Variants in NR3C2 observed in about 807,000 individuals in gnomAD.
NR3C2 encodes nuclear receptor subfamily 3 group C member 2, also known as mineralocorticoid receptor.
A neutral mutation model predicts 86.4 loss-of-function variants in NR3C2; 15 were observed. The ratio of observed to expected loss-of-function variants is 0.17; its 90% CI spans 0.12 to 0.27. The LOEUF (loss-of-function observed/expected upper bound fraction) is 0.27. Ranked by LOEUF, NR3C2 falls within the 10% of genes least tolerant of loss-of-function variation. NR3C2 has a pLI of 1.00. For synonymous variants in NR3C2, 458 were observed against 450.5 expected, an observed-to-expected ratio of 1.02 and a Z score of -0.21; for missense variants, 960 against 1,195.6, an observed-to-expected ratio of 0.80 and a Z score of 2.91.
At chr4:148,186,988 G>GTATA (rs1491106389) in intron 4 of NR3C2, among the ~76,000 whole-genome samples, 2 of 13,704 alleles carry the variant, frequency 1.5e-4, no homozygotes, top group Non-Finnish European at 2.1e-4. Flanking sequence ...ACTGATGTGT[G>GTATA]TATGTATGTA....
In NR3C2 at chr4:148,221,406, AT is replaced by A. The variant is rs1410198405; in HGVS notation, c.1898-26545del. ...AGAAAAGGACTCTTTAATTATCATA[AT>A]AATGTCATGAAATATTACAAATGAA... On this transcript the variant is annotated intron_variant, in intron 3 of 8. Transcript: ENST00000358102. 2.0e-5 allele frequency among the ~76,000 whole-genome samples: 3 copies of A among 152,236 alleles called. No homozygotes were observed. In the East Asian group the frequency reaches 5.8e-4, roughly 29 times the overall value.
Position 148,436,213 on chromosome 4 carries a change from G to T in NR3C2, c.648C>A (p.Thr216=). 4.3e-6 allele frequency: 7 copies of T among 1,614,190 alleles called. No individual in the cohort carries two copies. Among genetic ancestry groups the T allele is most frequent in the Non-Finnish European group, 5.9e-6 (7 of 1,180,028 alleles). ...CTGGAAAACTGCCAAAGCTGGCTGT[G>T]GTGGAGGACACAGAGTTGATTCCAG... ...SPAGINSVSS[T]TASFGSFPVH... The change falls in exon 2 of 9, where the codon ACC becomes ACA. Residue 216 remains threonine (T), a synonymous_variant. Transcript: ENST00000358102.
At chr4:148,209,369 T>G (rs1737170547) in intron 3 of NR3C2, among the ~76,000 whole-genome samples, 1 of 152,148 alleles carries the variant, frequency 6.6e-6, no homozygotes, top group Non-Finnish European at 1.5e-5. Flanking sequence ...AGCCTCAACC[T>G]TCTGGGCTCA....
At chr4:148,086,887 C>G (rs1730838835) in intron 8 of NR3C2, among the ~76,000 whole-genome samples, 1 of 152,322 alleles carries the variant, frequency 6.6e-6, no homozygotes, top group Non-Finnish European at 1.5e-5. Context: ...GATGCCCTCT[C>G]TCACTTCTAT....
intron 8 of NR3C2, among the ~76,000 whole-genome samples, chr4:148,106,006 TAGTACTGGA>T (rs1313302479): frequency 2.0e-5 from 3 of 152,144 alleles, no homozygotes; most frequent in Non-Finnish European, 4.4e-5. Context: ...CTATTCTACA[TAGTACTGGA>T]AGTTCTGGCA....
chr4:148,157,986 A>C (rs1050321210), intron 4 of NR3C2, among the ~76,000 whole-genome samples: 3 of 152,248 alleles, frequency 2.0e-5, no homozygotes, highest in Admixed American at 2.0e-4. Context: ...TACTGGCTTT[A>C]AGAAGTTTAA....
chr4:148,231,240 T>A (rs928641239), intron 3 of NR3C2, among the ~76,000 whole-genome samples: 1 of 152,222 alleles, frequency 6.6e-6, no homozygotes, highest in Non-Finnish European at 1.5e-5. Context: ...GATTAAAAAC[T>A]AATGATGATA....
intron 6 of NR3C2, among the ~76,000 whole-genome samples, chr4:148,128,212 C>G (rs1317546535): frequency 1.3e-5 from 2 of 152,188 alleles, no homozygotes. Context: ...CCCATGCTAT[C>G]TTACCATCAT....
chr4:148,157,690 T>A (rs1369836163), intron 4 of NR3C2, among the ~76,000 whole-genome samples: 1 of 152,144 alleles, frequency 6.6e-6, no homozygotes, highest in African/African-American at 2.4e-5. Context: ...ACGTTACAAA[T>A]GTAACATTTC....
At chr4:148,197,760 A>G (rs143794772) in intron 3 of NR3C2, among the ~76,000 whole-genome samples, 1 of 152,342 alleles carries the variant, frequency 6.6e-6, no homozygotes, top group East Asian at 1.9e-4. Context: ...TGTTGCAGAC[A>G]TGTCATTTTC....
intron 2 of NR3C2, among the ~76,000 whole-genome samples, chr4:148,308,960 G>A (rs1204375008): frequency 6.6e-6 from 1 of 152,072 alleles, no homozygotes; most frequent in Non-Finnish European, 1.5e-5. Context: ...TCCAGCCTGG[G>A]CAACAGAGTG....
chr4:148,272,658 T>C (rs1740746708), intron 2 of NR3C2, among the ~76,000 whole-genome samples: 2 of 152,238 alleles, frequency 1.3e-5, no homozygotes. Context: ...CTGTTAAGTA[T>C]ACCAAAATAA....
chr4:148,371,063 T>C (rs1746391945), intron 2 of NR3C2, among the ~76,000 whole-genome samples: 2 of 152,144 alleles, frequency 1.3e-5, no homozygotes, highest in South Asian at 4.1e-4. Flanking sequence ...TTTGTAGGTA[T>C]TTGGTAGGTA....
intron 2 of NR3C2, among the ~76,000 whole-genome samples, chr4:148,304,249 C>A (rs555526011): frequency 6.6e-6 from 1 of 151,232 alleles, no homozygotes; most frequent in South Asian, 2.1e-4. Context: ...AAACCTTAAA[C>A]TGGTTGGCTA....
chr4:148,127,193 C>A (rs1732791649), intron 6 of NR3C2, among the ~76,000 whole-genome samples: 1 of 152,128 alleles, frequency 6.6e-6, no homozygotes, highest in Non-Finnish European at 1.5e-5. Context: ...CTTGAAAATG[C>A]ATTTTATATC....
At chr4:148,370,246 G>A (rs1338268784) in intron 2 of NR3C2, among the ~76,000 whole-genome samples, 1 of 152,154 alleles carries the variant, frequency 6.6e-6, no homozygotes, top group Non-Finnish European at 1.5e-5. Flanking sequence ...GGTCAAACAT[G>A]CCATGGAAGA....
At chr4:148,265,385 C>T (rs544086615) in intron 2 of NR3C2, among the ~76,000 whole-genome samples, 42 of 151,912 alleles carry the variant, frequency 2.8e-4, no homozygotes, top group Non-Finnish European at 5.0e-4. Flanking sequence ...CAAGAAGCTA[C>T]GTAAGAAAAA....
At chr4:148,099,688 T>C (rs1303529562) in intron 8 of NR3C2, among the ~76,000 whole-genome samples, 4 of 152,184 alleles carry the variant, frequency 2.6e-5, no homozygotes, top group African/African-American at 9.7e-5. Context: ...TACACAGTTA[T>C]TATTATATTG....
At chr4:148,095,940 C>A (rs1031973435) in intron 8 of NR3C2, among the ~76,000 whole-genome samples, 3 of 152,208 alleles carry the variant, frequency 2.0e-5, no homozygotes, top group East Asian at 1.9e-4. Context: ...ATTTTTATAA[C>A]AAATTTAACA....
Sources: allele counts gnomAD v4.1 joint callset (sites outside exome capture counted in the v4.1 genomes callset), GRCh38; gene constraint gnomAD v4.1.1; transcripts MANE v1.5; gene names NCBI Gene and HGNC (gene_info 2026-07-23, HGNC 2026-07-21).